The following FUBP1 variants were observed in gnomAD, a reference collection of about 807,000 sequenced individuals.
FUBP1 encodes far upstream element binding protein 1.
Under a neutral mutation model 94.9 loss-of-function variants are expected in FUBP1, and 16 were observed. That is an observed-to-expected ratio of 0.17 (90% confidence interval 0.11 to 0.26). The LOEUF (loss-of-function observed/expected upper bound fraction) is 0.26, where lower values mean the gene tolerates loss of function less well. Among genes scored for constraint, FUBP1 ranks in the 10% least tolerant of loss-of-function variants. The pLI is 1.00. For synonymous variants in FUBP1, 279 were observed against 254.9 expected, an observed-to-expected ratio of 1.09 and a Z score of -0.90; for missense variants, 583 against 808.6, an observed-to-expected ratio of 0.72 and a Z score of 3.38.
chr1:77,955,243 T>C lies in FUBP1; in HGVS notation c.1780+12A>G, dbSNP rs1399202685. On this transcript the variant is annotated intron_variant, in intron 18 of 19. Coordinates refer to ENST00000370768, the MANE Select transcript of FUBP1 (RefSeq NM_003902.5). ...ATTAAGTATGTATTTTCAAGAAATG[T>C]ATAAAACATACCCATTTTCTTGTAG... The C allele has an allele frequency of 1.8e-6, 2 of 1,116,670 alleles. No individual in the cohort carries two copies. Among genetic ancestry groups the C allele is most frequent in the East Asian group, 2.3e-5 (1 of 42,656 alleles). 69.2% of individuals were successfully genotyped at this position (1,116,670 alleles called of 1,614,324 possible). A position where few individuals can be genotyped will look rare whatever the true frequency, so the allele number is the denominator to read the frequency against.
At chr1:77,950,747 C>G (rs1013500682) in intron 18 of FUBP1, among the ~76,000 whole-genome samples, 1 of 152,110 alleles carries the variant, frequency 6.6e-6, no homozygotes, top group Admixed American at 6.6e-5. Context: ...AATACTGGAG[C>G]ATGGACACAC....
Position 77,964,658 on chromosome 1 carries a change from A to C in FUBP1, c.825T>G (p.Asn275Lys). 1 of 1,582,696 alleles carries C rather than the reference A, an allele frequency of 6.3e-7. No homozygotes were observed. Among genetic ancestry groups the C allele is most frequent in the Non-Finnish European group, 8.7e-7 (1 of 1,151,470 alleles). ...TATTTTTACTTACATCTATCCCTTC[A>C]TTTCCTCCTATTCTTGACCCATACT... ...RNEYGSRIGG[N>K]EGIDVPIPRF... The change falls in exon 10 of 20, where the codon AAT becomes AAG. Residue 275 changes from asparagine to lysine, a missense_variant. Transcript: ENST00000370768.
At chr1:77,976,559 T>C (rs948044513) in intron 1 of FUBP1, among the ~76,000 whole-genome samples, 1 of 152,062 alleles carries the variant, frequency 6.6e-6, no homozygotes, top group African/African-American at 2.4e-5. Flanking sequence ...AGCAGCGTGA[T>C]CTCCACTCAC....
chr1:77,966,970 A>C lies in FUBP1; in HGVS notation c.344-15T>G. ...TCTGCCAATTACTAGTTAGAAAAAA[A>C]AAAATTTTTTTTTTGGTTGAAAGAT... On this transcript the variant is annotated splice_polypyrimidine_tract_variant and intron_variant, in intron 5 of 19. Coordinates refer to ENST00000370768, the MANE Select transcript of FUBP1 (RefSeq NM_003902.5). 6.3e-7 allele frequency: 1 copy of C among 1,592,636 alleles called. No homozygotes were observed. The highest frequency in any genetic ancestry group is 8.6e-7 in the Non-Finnish European group (1 of 1,165,570).
upstream of FUBP1, chr1:77,979,094 C>T (rs962486058): frequency 3.3e-6 from 4 of 1,208,122 alleles, no homozygotes; most frequent in Non-Finnish European, 4.6e-6. Context: ...CGTCGAAGCT[C>T]TATTACATTC....
At chr1:77,959,628 A>G (rs907235861) in intron 16 of FUBP1, among the ~76,000 whole-genome samples, 3 of 152,092 alleles carry the variant, frequency 2.0e-5, no homozygotes, top group African/African-American at 7.2e-5. Flanking sequence ...AATACAATCT[A>G]GAACTTCTAG....
intron 2 of FUBP1, chr1:77,968,988 A>G: frequency 1.3e-6 from 1 of 785,864 alleles, no homozygotes. Flanking sequence ...TCACGTTTAC[A>G]TACTGAACAC....
chr1:77,969,865 G>T, intron 2 of FUBP1, 60 bp downstream of exon 2: 2 of 692,392 alleles, frequency 2.9e-6, no homozygotes, highest in South Asian at 4.6e-5. Flanking sequence ...GAAAAATACC[G>T]AGAATCACTT....
chr1:77,972,273 G>C (rs1657704310), intron 1 of FUBP1, among the ~76,000 whole-genome samples: 1 of 152,134 alleles, frequency 6.6e-6, no homozygotes, highest in Non-Finnish European at 1.5e-5. Context: ...AGAGAAAATG[G>C]TGCTACCAAG....
At chr1:77,963,840 C>T (rs1571303443) in intron 12 of FUBP1, 125 bp from the exon 13 acceptor site, 1 of 782,096 alleles carries the variant, frequency 1.3e-6, no homozygotes, top group Non-Finnish European at 2.0e-6. Flanking sequence ...GATGAACTGG[C>T]CCTAATAAGT....
In FUBP1 at chr1:77,944,653, A is replaced by G. The variant is rs1037762738; in HGVS notation, c.*4113T>C. 2.6e-5 allele frequency among the ~76,000 whole-genome samples: 4 copies of G among 151,974 alleles called. No homozygotes were observed. Among genetic ancestry groups the G allele is most frequent in the African/African-American group, 9.7e-5 (4 of 41,432 alleles). On this transcript the variant is annotated 3_prime_UTR_variant, in exon 20 of 20. Coordinates refer to ENST00000370768, the MANE Select transcript of FUBP1 (RefSeq NM_003902.5). Reference sequence around the variant, plus strand: ...TAACTTTCTAAGTACAGCTGATTTTACTGGCAGAGTATTCAAACAAATAAA... The same window carrying G: ...TAACTTTCTAAGTACAGCTGATTTTGCTGGCAGAGTATTCAAACAAATAAA...
intron 1 of FUBP1, among the ~76,000 whole-genome samples, chr1:77,977,041 C>G (rs1460426773): frequency 6.6e-6 from 1 of 152,148 alleles, no homozygotes; most frequent in Non-Finnish European, 1.5e-5. Context: ...ATTGGGCATC[C>G]CCTCCTAACA....
intron 2 of FUBP1, chr1:77,968,947 T>C: frequency 2.1e-6 from 1 of 469,866 alleles, no homozygotes; most frequent in Non-Finnish European, 4.1e-6. Context: ...CAAGAAATAT[T>C]TGTGTCCATT....
Position 77,962,851 on chromosome 1 carries a change from A to G in FUBP1, c.1263T>C (p.Asp421=). 1 of 1,611,520 alleles carries G rather than the reference A, an allele frequency of 6.2e-7. No homozygotes were observed. The highest frequency in any genetic ancestry group is 1.1e-5 in the South Asian group (1 of 91,024). Residue 421 remains aspartate (D), a synonymous_variant, in exon 14 of 20, where the codon GAT becomes GAC. Coordinates refer to ENST00000370768, the MANE Select transcript of FUBP1 (RefSeq NM_003902.5). ...GAATTGTAAATAACTTCATATTAGG[A>G]TCTGCATTTGGTGGAGGATTTCTCT... The part of the protein sequence containing the change: ...ELQRNPPPNA[D]PNMKLFTIRG...
At chr1:77,952,015 C>A (rs1478960890) in intron 18 of FUBP1, among the ~76,000 whole-genome samples, 3 of 152,112 alleles carry the variant, frequency 2.0e-5, no homozygotes, top group Non-Finnish European at 4.4e-5. Context: ...TATTTTGAAA[C>A]CCTGTTTGTT....
chr1:77,954,975 A>C (rs778823691), intron 18 of FUBP1, among the ~76,000 whole-genome samples: 14 of 152,212 alleles, frequency 9.2e-5, no homozygotes, highest in Non-Finnish European at 1.6e-4. Context: ...TATGTCATTT[A>C]GACTGATAAT....
chr1:77,952,941 C>T (rs1007659425), intron 18 of FUBP1, among the ~76,000 whole-genome samples: 1 of 151,612 alleles, frequency 6.6e-6, no homozygotes, highest in African/African-American at 2.4e-5. Flanking sequence ...AGTTCGAGAC[C>T]AGCCTGGCCA....
chr1:77,951,343 A>G (rs975150077), intron 18 of FUBP1, among the ~76,000 whole-genome samples: 1 of 152,268 alleles, frequency 6.6e-6, no homozygotes, highest in South Asian at 2.1e-4. Flanking sequence ...AGACTTTAAG[A>G]AAAACCAAAT....
At position 77,947,735 on chromosome 1, in the gene FUBP1, G is replaced by T; in HGVS notation, c.*1031C>A. On this transcript the variant is annotated 3_prime_UTR_variant, in exon 20 of 20. Coordinates refer to ENST00000370768, the MANE Select transcript of FUBP1 (RefSeq NM_003902.5). ...CATAAAAAAATTAAGTTGATTCAAT[G>T]ATTGGACTTGTGCATTTACAAAACA... is the stretch of plus-strand genomic sequence containing the variant. The T allele has an allele frequency of 1.8e-6, 1 of 560,226 alleles. No homozygotes were observed. Among genetic ancestry groups the T allele is most frequent in the Non-Finnish European group, 2.9e-6 (1 of 343,388 alleles). 34.7% of individuals were successfully genotyped at this position (560,226 alleles called of 1,614,324 possible). A position where few individuals can be genotyped will look rare whatever the true frequency, so the allele number is the denominator to read the frequency against.
Sources: gnomAD v4.1 joint callset for allele counts (sites outside exome capture counted in the v4.1 genomes callset) on GRCh38, gnomAD v4.1.1 for gene constraint, MANE v1.5 for transcripts, NCBI Gene and HGNC (gene_info 2026-07-23, HGNC 2026-07-21) for gene names.